Variants in PTPRM observed in about 807,000 individuals in gnomAD.
PTPRM encodes receptor-type tyrosine-protein phosphatase mu.
In PTPRM, 47 loss-of-function variants were observed where a neutral mutation model predicts 186.7. That is an observed-to-expected ratio of 0.25 (90% CI 0.20 to 0.32). The LOEUF (loss-of-function observed/expected upper bound fraction) is 0.32. Ranked by LOEUF, PTPRM falls within the 10% of genes least tolerant of loss-of-function variation. PTPRM has a pLI of 1.00. For synonymous variants in PTPRM, 668 were observed against 674.9 expected, an observed-to-expected ratio of 0.99 and a Z score of 0.16; for missense variants, 1,494 against 1,865.0, an observed-to-expected ratio of 0.80 and a Z score of 3.66.
At chr18:8,089,383 T>C (rs754977614) in intron 11 of PTPRM, among the ~76,000 whole-genome samples, 1 of 152,194 alleles carries the variant, frequency 6.6e-6, no homozygotes, top group Non-Finnish European at 1.5e-5. Flanking sequence ...ATTACCAACA[T>C]CTAGGCCCGC....
rs542620011 is a variant in PTPRM at position 8,037,788 on chromosome 18, G to C, written c.1133-31898G>C. 5.6e-4 allele frequency among the ~76,000 whole-genome samples: 85 copies of C among 152,010 alleles called. 1 individual carries two copies. The highest frequency in any genetic ancestry group is 1.3e-4 in the Non-Finnish European group (9 of 68,010). On this transcript the variant is annotated intron_variant, in intron 7 of 32. Coordinates refer to ENST00000580170, the MANE Select transcript of PTPRM (RefSeq NM_001105244.2). ...AACTCTGCTAATCTGCAGAAGACAA[G>C]GTCTGAGATCGTGATGGACTAGTAA...
intron 2 of PTPRM, among the ~76,000 whole-genome samples, chr18:7,832,210 C>G (rs1198107795): frequency 6.6e-6 from 1 of 152,174 alleles, no homozygotes; most frequent in Non-Finnish European, 1.5e-5. Flanking sequence ...AAACTGTTCT[C>G]CGAAGTGCTA....
chr18:7,614,668 A>T (rs921956423), intron 1 of PTPRM, among the ~76,000 whole-genome samples: 3 of 152,190 alleles, frequency 2.0e-5, no homozygotes, highest in African/African-American at 7.2e-5. Context: ...CCCCTGTCTA[A>T]TGTGAAATAG....
At chr18:8,108,679 T>C (rs2091629516) in intron 11 of PTPRM, among the ~76,000 whole-genome samples, 2 of 152,220 alleles carry the variant, frequency 1.3e-5, no homozygotes, top group Non-Finnish European at 2.9e-5. Flanking sequence ...TAAATGCAGA[T>C]TTTTCATTCT....
intron 11 of PTPRM, among the ~76,000 whole-genome samples, chr18:8,113,096 T>G (rs2091827417): frequency 6.6e-6 from 1 of 152,240 alleles, no homozygotes; most frequent in Non-Finnish European, 1.5e-5. Flanking sequence ...TAAAATAAAC[T>G]TACAGTTGGT....
rs111250026 is a variant in PTPRM at position 8,214,110 on chromosome 18, G to C, written c.2301-29948G>C. ...TATAATGGACATTGGAGACTCGGAG[G>C]GGGGCAGGTAGGGGAGTGAGACATG... On this transcript the variant is annotated intron_variant, in intron 14 of 32. Transcript: ENST00000580170. 1.4e-3 allele frequency among the ~76,000 whole-genome samples: 211 copies of C among 152,206 alleles called. 2 individuals carry two copies. Among genetic ancestry groups the C allele is most frequent in the East Asian group, 2.9e-3 (15 of 5,170 alleles).
rs139462108 is a variant in PTPRM, at chr18:8,091,976, C to A, written c.1856+3125C>A. ...GGAAATGGAAGCGAACATCTGTTTG[C>A]TTTCCTGGATTTTGCACAGTATTGT... is the stretch of plus-strand genomic sequence containing the variant. On this transcript the variant is annotated intron_variant, in intron 11 of 32. Coordinates refer to ENST00000580170, the MANE Select transcript of PTPRM (RefSeq NM_001105244.2). Among the ~76,000 whole-genome samples, 495 of 152,124 alleles carry A rather than the reference C, an allele frequency of 3.3e-3. 2 individuals are homozygous for A. Among genetic ancestry groups the A allele is most frequent in the Non-Finnish European group, 5.9e-3 (398 of 67,988 alleles).
intron 1 of PTPRM, among the ~76,000 whole-genome samples, chr18:7,595,063 G>T (rs2037222345): frequency 6.6e-6 from 1 of 152,168 alleles, no homozygotes; most frequent in Admixed American, 6.5e-5. Context: ...TCGTTGAATA[G>T]CTCCTTCAGT....
intron 4 of PTPRM, among the ~76,000 whole-genome samples, chr18:7,917,576 A>G (rs1412896555): frequency 6.6e-6 from 1 of 152,148 alleles, no homozygotes; most frequent in African/African-American, 2.4e-5. Context: ...ATATAAGTGC[A>G]TATTTGGGGG....
At chr18:7,770,047 G>C (rs959233072) in intron 1 of PTPRM, among the ~76,000 whole-genome samples, 6 of 152,312 alleles carry the variant, frequency 3.9e-5, no homozygotes, top group Admixed American at 2.6e-4. Context: ...TGATTTAACA[G>C]AGAAATATAG....
At chr18:8,147,484 T>C (rs1381782782) in intron 14 of PTPRM, among the ~76,000 whole-genome samples, 1 of 152,182 alleles carries the variant, frequency 6.6e-6, no homozygotes, top group Non-Finnish European at 1.5e-5. Flanking sequence ...CTTGTTATTT[T>C]TGCGTTGATT....
intron 1 of PTPRM, among the ~76,000 whole-genome samples, chr18:7,684,343 T>C (rs1047937245): frequency 3.9e-5 from 6 of 151,966 alleles, no homozygotes; most frequent in African/African-American, 1.5e-4. Context: ...ATAAATAACA[T>C]GGTAAGAACA....
chr18:8,387,485 C>T (rs2095783305), intron 31 of PTPRM, among the ~76,000 whole-genome samples: 2 of 136,090 alleles, frequency 1.5e-5, no homozygotes, highest in African/African-American at 5.8e-5. Flanking sequence ...CCCCTGCCTC[C>T]GCCGCCCACT....
intron 13 of PTPRM, among the ~76,000 whole-genome samples, chr18:8,132,962 C>A (rs953002688): frequency 3.3e-5 from 5 of 152,066 alleles, no homozygotes; most frequent in Non-Finnish European, 7.4e-5. Context: ...CATTTATAAA[C>A]AATAAAAATT....
At chr18:7,655,322 A>G (rs927129570) in intron 1 of PTPRM, among the ~76,000 whole-genome samples, 1 of 152,154 alleles carries the variant, frequency 6.6e-6, no homozygotes, top group African/African-American at 2.4e-5. Flanking sequence ...AGCGTCCCAA[A>G]GTGCTACGAT....
intron 22 of PTPRM, among the ~76,000 whole-genome samples, chr18:8,327,546 G>A (rs2095385200): frequency 6.6e-6 from 1 of 152,228 alleles, no homozygotes; most frequent in Non-Finnish European, 1.5e-5. Flanking sequence ...GAATGAATGA[G>A]TGAATGAGTA....
intron 1 of PTPRM, among the ~76,000 whole-genome samples, chr18:7,749,827 G>A (rs1052690008): frequency 6.6e-6 from 1 of 152,200 alleles, no homozygotes; most frequent in South Asian, 2.1e-4. Context: ...CTGGAGTTAA[G>A]CAATTGTGTT....
chr18:7,792,043 CA>C (rs1444464257), intron 2 of PTPRM, among the ~76,000 whole-genome samples: 1 of 152,090 alleles, frequency 6.6e-6, no homozygotes, highest in African/African-American at 2.4e-5. Context: ...TTCAGTAAAG[CA>C]AATATCATTG....
At chr18:7,789,327 A>AATGATG (rs150471424) in intron 2 of PTPRM, among the ~76,000 whole-genome samples, 2 of 151,646 alleles carry the variant, frequency 1.3e-5, no homozygotes, top group African/African-American at 4.9e-5. Context: ...CCTGTCTTTA[A>AATGATG]ATGATGATGA....
Sources: gnomAD v4.1 joint callset for allele counts (sites outside exome capture counted in the v4.1 genomes callset) on GRCh38, gnomAD v4.1.1 for gene constraint, MANE v1.5 for transcripts, NCBI Gene and HGNC (gene_info 2026-07-23, HGNC 2026-07-21) for gene names.